The following CHD9 variants were observed in gnomAD, a reference collection of about 807,000 sequenced individuals.
CHD9 encodes chromodomain helicase DNA binding protein 9, also known as ATP-dependent chromatin remodeler CHD9.
A neutral mutation model predicts 316.1 loss-of-function variants in CHD9; 77 were observed. The observed-to-expected ratio is 0.24, with a 90% CI of 0.20 to 0.29. The LOEUF is 0.29. Among genes scored for constraint, CHD9 ranks in the 10% least tolerant of loss-of-function variants. The probability of loss-of-function intolerance (pLI) is 1.00; values close to 1 mark genes in which losing one functional copy is unlikely to be tolerated. For synonymous variants in CHD9, 1,129 were observed against 1,158.3 expected (o/e 0.97, Z 0.51); for missense variants, 2,763 against 3,438.1 (o/e 0.80, Z 4.91).
intron 1 of CHD9, among the ~76,000 whole-genome samples, chr16:53,078,703 C>G (rs2034764479): frequency 6.6e-6 from 1 of 152,194 alleles, no homozygotes; most frequent in African/African-American, 2.4e-5. Flanking sequence ...CTCCCCAACT[C>G]CCTTGGTCCC....
chr16:53,113,364 C>CTTTTTT (rs35792251), intron 1 of CHD9, among the ~76,000 whole-genome samples: 12 of 116,006 alleles, frequency 1.0e-4, no homozygotes, highest in Non-Finnish European at 1.7e-4. Flanking sequence ...AATCTTGGCA[C>CTTTTTT]TTTTTTTTTT....
At chr16:53,240,192 C>G (rs1043128860) in intron 12 of CHD9, among the ~76,000 whole-genome samples, 1 of 152,104 alleles carries the variant, frequency 6.6e-6, no homozygotes, top group Non-Finnish European at 1.5e-5. Context: ...CAGGCAGGAG[C>G]CACTGCACCT....
In CHD9 at chr16:53,314,534, TA is replaced by T. The variant is rs756806065; in HGVS notation, c.7362+23del. 1 of 1,529,490 alleles carries T rather than the reference TA, an allele frequency of 6.5e-7. No homozygotes were observed. Among genetic ancestry groups the T allele is most frequent in the Non-Finnish European group, 8.8e-7 (1 of 1,137,568 alleles). The allele number at this position is 1,529,490 out of a possible 1,614,324, so 94.7% of individuals were successfully genotyped here. A position where few individuals can be genotyped will look rare whatever the true frequency, so the allele number is the denominator to read the frequency against. On this transcript the variant is annotated intron_variant, in intron 35 of 38. Transcript: ENST00000447540. ...CTAATCATGTAAGTAAAGCAGTACT[TA>T]AAAACTGATCCTTGAATTCAAAATT... is the stretch of plus-strand genomic sequence containing the variant.
intron 1 of CHD9, among the ~76,000 whole-genome samples, chr16:53,133,123 A>G (rs904696874): frequency 1.3e-5 from 2 of 152,114 alleles, no homozygotes; most frequent in African/African-American, 4.8e-5. Context: ...GTGCATTGGG[A>G]AAAGTGGTTG....
intron 1 of CHD9, among the ~76,000 whole-genome samples, chr16:53,094,500 C>T (rs1215991436): frequency 2.6e-5 from 4 of 152,156 alleles, no homozygotes; most frequent in Non-Finnish European, 4.4e-5. Context: ...GAACCTGCAA[C>T]AGCAGTGCAT....
intron 1 of CHD9, among the ~76,000 whole-genome samples, chr16:53,098,782 G>A (rs986529015): frequency 6.6e-6 from 1 of 152,112 alleles, no homozygotes; most frequent in African/African-American, 2.4e-5. Flanking sequence ...AACATCTGAC[G>A]TTTGTGTAAC....
At chr16:53,123,200 A>G (rs2038823211) in intron 1 of CHD9, among the ~76,000 whole-genome samples, 1 of 149,274 alleles carries the variant, frequency 6.7e-6, no homozygotes, top group Non-Finnish European at 1.5e-5. Context: ...AGCTTTATTG[A>G]GATAGTTTTA....
intron 10 of CHD9, among the ~76,000 whole-genome samples, chr16:53,232,221 CAG>C (rs1405122822): frequency 6.6e-6 from 1 of 152,150 alleles, no homozygotes; most frequent in Non-Finnish European, 1.5e-5. Context: ...AACCAGGAAA[CAG>C]AAGCGTCACC....
At chr16:53,090,786 G>T (rs966495140) in intron 1 of CHD9, among the ~76,000 whole-genome samples, 13 of 152,158 alleles carry the variant, frequency 8.5e-5, no homozygotes, top group African/African-American at 2.9e-4. Context: ...TGGGGGCAGG[G>T]GGGTGGCAGA....
At chr16:53,123,812 A>T (rs1000128212) in intron 1 of CHD9, among the ~76,000 whole-genome samples, 4 of 152,128 alleles carry the variant, frequency 2.6e-5, no homozygotes, top group Non-Finnish European at 4.4e-5. Context: ...TAATTTTTTT[A>T]AAATTAAACA....
At chr16:53,062,932 A>T (rs2033076003) in intron 1 of CHD9, among the ~76,000 whole-genome samples, 1 of 152,162 alleles carries the variant, frequency 6.6e-6, no homozygotes, top group Non-Finnish European at 1.5e-5. Flanking sequence ...TAAGGGAAGA[A>T]TCGCTTGGAC....
intron 24 of CHD9, among the ~76,000 whole-genome samples, chr16:53,284,257 C>A (rs1207756149): frequency 6.6e-6 from 1 of 151,768 alleles, no homozygotes; most frequent in Non-Finnish European, 1.5e-5. Context: ...TTTATGAATA[C>A]CAAATAGAGA....
rs1182731763 is a variant in CHD9 at position 53,282,583 on chromosome 16, G to A, written c.4968-3013G>A. On this transcript the variant is annotated intron_variant, in intron 24 of 38. Transcript: ENST00000447540. The stretch of plus-strand genomic sequence containing the variant: ...GATTGCACCACTGCACACCAGCCTG[G>A]GTGACAGAATGAGACACTGTCTCAA... Among the ~76,000 whole-genome samples, 7 of 152,108 alleles carry A rather than the reference G, an allele frequency of 4.6e-5. No individual in the cohort carries two copies. The South Asian group carries it at 1.2e-3, about 27-fold the overall frequency.
chr16:53,162,479 G>A (rs1040981262), intron 2 of CHD9, among the ~76,000 whole-genome samples: 3 of 151,756 alleles, frequency 2.0e-5, no homozygotes, highest in Non-Finnish European at 2.9e-5. Context: ...TGTCTTATTC[G>A]TGAAGTGGAA....
intron 24 of CHD9, among the ~76,000 whole-genome samples, chr16:53,275,427 C>T (rs1338012980): frequency 6.6e-6 from 1 of 152,098 alleles, no homozygotes; most frequent in Non-Finnish European, 1.5e-5. Context: ...ACTAGGAATA[C>T]AAAGACAAAA....
In CHD9 at chr16:53,294,200, A is replaced by G. The variant is rs186484733; in HGVS notation, c.5510+1148A>G. On this transcript the variant is annotated intron_variant, in intron 29 of 38. Transcript: ENST00000447540. ...TAACTTCTTAAAAGGAATAGAGTAC[A>G]TGGAAAAGAATAGCTATCTTTGGCA... is the stretch of plus-strand genomic sequence containing the variant. Among the ~76,000 whole-genome samples the G allele has an allele frequency of 6.6e-5, 10 of 152,298 alleles. No homozygotes were observed. In the East Asian group the frequency reaches 1.4e-3, roughly 21 times the overall value.
At chr16:53,126,586 C>CTTT (rs200069064) in intron 1 of CHD9, among the ~76,000 whole-genome samples, 26,584 of 117,352 alleles carry the variant, frequency 0.23, 3,259 homozygotes, top group Non-Finnish European at 0.28. Context: ...TTTCAGGATC[C>CTTT]TTTTTTTTTT....
chr16:53,121,378 A>G, intron 1 of CHD9: 1 of 456,070 alleles, frequency 2.2e-6, no homozygotes, highest in South Asian at 1.5e-5. Context: ...GCTCGGGGAT[A>G]TTTTATCAAG....
At chr16:53,093,076 G>C (rs534473167) in intron 1 of CHD9, among the ~76,000 whole-genome samples, 1 of 152,194 alleles carries the variant, frequency 6.6e-6, no homozygotes, top group Non-Finnish European at 1.5e-5. Flanking sequence ...ATTATGCCCT[G>C]CTGCATCTGC....
Sources: gnomAD v4.1 joint callset for allele counts (sites outside exome capture counted in the v4.1 genomes callset) on GRCh38, gnomAD v4.1.1 for gene constraint, MANE v1.5 for transcripts, NCBI Gene and HGNC (gene_info 2026-07-23, HGNC 2026-07-21) for gene names.